IQCM: variants seen among roughly 807,000 people sequenced by gnomAD.
IQCM encodes IQ domain-containing protein M.
IQCM carries 45 observed loss-of-function variants against 57.6 expected under a neutral mutation model. The observed-to-expected ratio is 0.78, with a 90% CI of 0.62 to 1.00. The LOEUF is 1.00. Ranked by LOEUF, IQCM falls within the 50% of genes least tolerant of loss-of-function variation. The pLI, the probability that IQCM is intolerant of heterozygous loss-of-function variation, is 0.00. For synonymous variants in IQCM, 148 were observed against 158.9 expected (o/e 0.93, Z 0.51); for missense variants, 468 against 511.6 (o/e 0.91, Z 0.82).
intron 9 of IQCM, among the ~76,000 whole-genome samples, chr4:149,574,489 T>C (rs914615523): frequency 6.6e-6 from 1 of 151,978 alleles, no homozygotes; most frequent in Non-Finnish European, 1.5e-5. Context: ...TGGCTGCCTT[T>C]TACTTTTTCA....
At chr4:149,721,046 G>A (rs925989486) in intron 5 of IQCM, among the ~76,000 whole-genome samples, 1 of 152,110 alleles carries the variant, frequency 6.6e-6, no homozygotes, top group Non-Finnish European at 1.5e-5. Context: ...CTGCATGTTT[G>A]TATGTATAAT....
chr4:149,559,795 A>T (rs1412625991), intron 10 of IQCM, among the ~76,000 whole-genome samples: 1 of 152,156 alleles, frequency 6.6e-6, no homozygotes, highest in Non-Finnish European at 1.5e-5. Context: ...TCCCCAACCA[A>T]CTGGTCTGTG....
At chr4:149,596,759 A>G (rs1162518025) in intron 8 of IQCM, among the ~76,000 whole-genome samples, 1 of 152,158 alleles carries the variant, frequency 6.6e-6, no homozygotes, top group Non-Finnish European at 1.5e-5. Context: ...ATGCCGTACA[A>G]ATCTGGGCCC....
intron 13 of IQCM, among the ~76,000 whole-genome samples, chr4:149,399,615 G>A (rs1356489999): frequency 6.6e-6 from 1 of 152,050 alleles, no homozygotes; most frequent in African/African-American, 2.4e-5. Flanking sequence ...CCCTCACCCT[G>A]TTCTTCAAAA....
chr4:149,799,502 T>A (rs1773411250), intron 2 of IQCM, among the ~76,000 whole-genome samples: 1 of 151,378 alleles, frequency 6.6e-6, no homozygotes, highest in Non-Finnish European at 1.5e-5. Context: ...AGAAATAAAT[T>A]AAATTCTAAT....
chr4:149,646,306 T>G (rs1045506472), intron 7 of IQCM, among the ~76,000 whole-genome samples: 2 of 152,230 alleles, frequency 1.3e-5, no homozygotes, highest in Admixed American at 6.5e-5. Flanking sequence ...ATATAAACTT[T>G]TAATATCCTC....
At chr4:149,810,135 A>G (rs1048081394) in intron 2 of IQCM, among the ~76,000 whole-genome samples, 2 of 151,976 alleles carry the variant, frequency 1.3e-5, no homozygotes, top group Non-Finnish European at 2.9e-5. Flanking sequence ...CGGTAATCCT[A>G]GCGCTTTGGG....
intron 7 of IQCM, among the ~76,000 whole-genome samples, chr4:149,663,826 A>G (rs191762264): frequency 2.0e-5 from 3 of 152,116 alleles, no homozygotes; most frequent in African/African-American, 7.2e-5. Flanking sequence ...CAGGTTGAAT[A>G]TAATTTAGAA....
intron 9 of IQCM, among the ~76,000 whole-genome samples, chr4:149,573,581 G>C (rs989711566): frequency 8.6e-5 from 13 of 151,816 alleles, no homozygotes; most frequent in African/African-American, 3.1e-4. Flanking sequence ...AGCAGTAGTG[G>C]TAGTAACAAT....
chr4:149,605,479 G>A (rs943392792), intron 8 of IQCM, among the ~76,000 whole-genome samples: 1 of 152,042 alleles, frequency 6.6e-6, no homozygotes, highest in African/African-American at 2.4e-5. Flanking sequence ...GAGAATAGTT[G>A]AATATACATC....
chr4:149,653,800 A>G (rs1579863287), intron 7 of IQCM, among the ~76,000 whole-genome samples: 1 of 152,148 alleles, frequency 6.6e-6, no homozygotes, highest in East Asian at 1.9e-4. Context: ...ATGCTAAGCA[A>G]TTTAATATAA....
intron 8 of IQCM, among the ~76,000 whole-genome samples, chr4:149,594,629 G>A (rs1489377308): frequency 2.0e-5 from 3 of 152,182 alleles, no homozygotes; most frequent in Non-Finnish European, 2.9e-5. Context: ...TGCTTTAAAT[G>A]TGTCCCAGAG....
At chr4:149,380,127 T>C (rs1257729978) in intron 13 of IQCM, among the ~76,000 whole-genome samples, 1 of 152,156 alleles carries the variant, frequency 6.6e-6, no homozygotes, top group Non-Finnish European at 1.5e-5. Flanking sequence ...CTCTTTCTTT[T>C]GTAAATTGCC....
chr4:149,736,964 A>C (rs550833848), intron 3 of IQCM, among the ~76,000 whole-genome samples: 1 of 152,340 alleles, frequency 6.6e-6, no homozygotes, highest in African/African-American at 2.4e-5. Context: ...GAGTTTGTAA[A>C]CTGTGGTTAT....
intron 2 of IQCM, among the ~76,000 whole-genome samples, chr4:149,774,429 A>G (rs1329425054): frequency 1.3e-5 from 2 of 152,202 alleles, no homozygotes; most frequent in Non-Finnish European, 2.9e-5. Flanking sequence ...TAAAAAAACA[A>G]TATTCACATG....
intron 13 of IQCM, among the ~76,000 whole-genome samples, chr4:149,430,267 G>A (rs1343781148): frequency 6.6e-6 from 1 of 151,836 alleles, no homozygotes; most frequent in East Asian, 1.9e-4. Flanking sequence ...GCTTCAAGAG[G>A]AAACATCTTT....
At chr4:149,629,226 C>G (rs560684821) in intron 7 of IQCM, among the ~76,000 whole-genome samples, 1 of 152,234 alleles carries the variant, frequency 6.6e-6, no homozygotes. Context: ...TTCTTAGGAA[C>G]TAAACCATTT....
chr4:149,811,571 T>C (rs1774568305), intron 2 of IQCM, among the ~76,000 whole-genome samples: 1 of 152,208 alleles, frequency 6.6e-6, no homozygotes, highest in Non-Finnish European at 1.5e-5. Flanking sequence ...CTTTGGCATT[T>C]CCCTGCTTCT....
intron 12 of IQCM, among the ~76,000 whole-genome samples, chr4:149,452,203 T>C (rs1222597270): frequency 6.6e-6 from 1 of 151,610 alleles, no homozygotes; most frequent in African/African-American, 2.4e-5. Flanking sequence ...AAAATCTAAA[T>C]AAATGGGGAG....
Sources: gnomAD v4.1 joint callset for allele counts (sites outside exome capture counted in the v4.1 genomes callset) on GRCh38, gnomAD v4.1.1 for gene constraint, MANE v1.5 for transcripts, NCBI Gene and HGNC (gene_info 2026-07-23, HGNC 2026-07-21) for gene names.